Variants in SRGAP1 observed in about 807,000 individuals in gnomAD.
SRGAP1 encodes SLIT-ROBO Rho GTPase activating protein 1.
In SRGAP1, 43 loss-of-function variants were observed where a neutral mutation model predicts 121.9. The ratio of observed to expected loss-of-function variants is 0.35; its 90% CI spans 0.28 to 0.46. The LOEUF (loss-of-function observed/expected upper bound fraction) is 0.46, where lower values mean the gene tolerates loss of function less well. Among genes scored for constraint, SRGAP1 ranks in the 20% least tolerant of loss-of-function variants. The probability of loss-of-function intolerance (pLI) is 1.00; values close to 1 mark genes in which losing one functional copy is unlikely to be tolerated. For missense variants in SRGAP1, 1,102 were observed against 1,350.9 expected, an observed-to-expected ratio of 0.82 and a Z score of 2.89; for synonymous variants, 447 against 485.4, an observed-to-expected ratio of 0.92 and a Z score of 1.04.
rs757478244 is a variant in SRGAP1, at chr12:63,844,809, G to C, written c.-8G>C. The C allele has an allele frequency of 6.2e-7, 1 of 1,614,192 alleles. No individual in the cohort carries two copies. Among genetic ancestry groups the C allele is most frequent in the Non-Finnish European group, 8.5e-7 (1 of 1,180,018 alleles). ...GCCCATTGAAAGCAAACCCGGAACA[G>C]CTGGATAATGTCCACCCCGAGCCGA... On this transcript the variant is annotated 5_prime_UTR_variant, in exon 1 of 22. Coordinates refer to ENST00000355086, the MANE Select transcript of SRGAP1 (RefSeq NM_020762.4). This position sits in a 1 kb window ranked among gnomAD's most constrained non-coding sequence, Gnocchi z 4.3.
intron 1 of SRGAP1, among the ~76,000 whole-genome samples, chr12:63,881,075 A>G (rs1592910371): frequency 6.6e-6 from 1 of 152,344 alleles, no homozygotes; most frequent in Non-Finnish European, 1.5e-5. Context: ...CATGCACAGT[A>G]TATTTTGCGA....
chr12:63,900,210 T>TTTCTTTTTC (rs1459741763), intron 1 of SRGAP1, among the ~76,000 whole-genome samples: 9 of 132,736 alleles, frequency 6.8e-5, no homozygotes, highest in Non-Finnish European at 9.5e-5. Flanking sequence ...TTTTCTTTTT[T>TTTCTTTTTC]TTTTTTTTTT....
At chr12:64,034,613 G>T (rs2034857769) in intron 4 of SRGAP1, among the ~76,000 whole-genome samples, 3 of 152,062 alleles carry the variant, frequency 2.0e-5, no homozygotes, top group Admixed American at 2.0e-4. Context: ...CATTTACTGT[G>T]CACTTATATG....
At position 64,159,848 on chromosome 12, in the gene SRGAP1, G is replaced by A. The variant is rs1025061725; in HGVS notation, c.*17176G>A. 2.3e-4 allele frequency: 35 copies of A among 152,152 alleles called. No homozygotes were observed. The highest frequency in any genetic ancestry group is 7.2e-4 in the African/African-American group (30 of 41,432). 9.4% of individuals were successfully genotyped at this position (152,152 alleles called of 1,614,324 possible). Reference sequence around the variant, plus strand: ...CTACAACAGCAGGAAATAAACTACTGTTATATCAAGCTACTGACATTGAGA... The same window carrying A: ...CTACAACAGCAGGAAATAAACTACTATTATATCAAGCTACTGACATTGAGA... On this transcript the variant is annotated 3_prime_UTR_variant, in exon 22 of 22. Transcript: ENST00000355086.
intron 15 of SRGAP1, among the ~76,000 whole-genome samples, chr12:64,107,276 G>C (rs987721251): frequency 2.0e-5 from 3 of 152,184 alleles, no homozygotes; most frequent in African/African-American, 7.2e-5. Context: ...AGCTTAGCAA[G>C]AGTAATTAAG....
At position 64,161,108 on chromosome 12, in the gene SRGAP1, T is replaced by G. The variant is rs2037206562; in HGVS notation, c.*18436T>G. ...TGATTCTGGAAAGTCTTCTTTTCCC[T>G]GGAGCTTATAATTACTTTTATTTCA... On this transcript the variant is annotated 3_prime_UTR_variant, in exon 22 of 22. Transcript: ENST00000355086. 1 of 152,232 alleles carries G rather than the reference T, an allele frequency of 6.6e-6. No individual in the cohort carries two copies. The highest frequency in any genetic ancestry group is 2.4e-5 in the African/African-American group (1 of 41,462). 9.4% of individuals were successfully genotyped at this position (152,232 alleles called of 1,614,324 possible).
chr12:63,901,502 T>A (rs188592781), intron 1 of SRGAP1, among the ~76,000 whole-genome samples: 57 of 152,326 alleles, frequency 3.7e-4, no homozygotes, highest in African/African-American at 1.4e-3. Context: ...AAATGTTACT[T>A]TGTCCACACA....
chr12:64,033,698 A>G (rs888151712), intron 4 of SRGAP1, among the ~76,000 whole-genome samples: 2 of 151,896 alleles, frequency 1.3e-5, no homozygotes, highest in Admixed American at 1.3e-4. Context: ...AGCTTGGGTT[A>G]CAGAGCGAGA....
intron 1 of SRGAP1, among the ~76,000 whole-genome samples, chr12:63,878,056 A>T: frequency 6.6e-6 from 1 of 152,246 alleles, no homozygotes; most frequent in East Asian, 1.9e-4. Context: ...ACAAAGGAAA[A>T]ATATCAAGAA....
chr12:63,936,297 A>G (rs867034040), intron 1 of SRGAP1, among the ~76,000 whole-genome samples: 9 of 152,174 alleles, frequency 5.9e-5, no homozygotes, highest in Non-Finnish European at 1.3e-4. Flanking sequence ...TCAAATTTAT[A>G]GGTTATTACT....
intron 3 of SRGAP1, among the ~76,000 whole-genome samples, chr12:64,014,758 TTTG>T (rs56666934): frequency 0.43 from 64,545 of 151,468 alleles, 14,119 homozygotes; most frequent in Non-Finnish European, 0.48. Context: ...CATAAGGGAA[TTTG>T]TTGTTGTTGT....
At chr12:63,968,395 AAAT>A (rs2032844152) in intron 1 of SRGAP1, among the ~76,000 whole-genome samples, 1 of 152,208 alleles carries the variant, frequency 6.6e-6, no homozygotes, top group Admixed American at 6.5e-5. Flanking sequence ...CAGAAAACAA[AAAT>A]ACCAGATTTG....
chr12:64,099,469 C>T (rs911770109), intron 15 of SRGAP1, among the ~76,000 whole-genome samples: 1 of 152,094 alleles, frequency 6.6e-6, no homozygotes, highest in Non-Finnish European at 1.5e-5. Flanking sequence ...GTCAAGATTC[C>T]ACCACGAGTT....
chr12:64,010,756 C>T (rs1241779044), intron 3 of SRGAP1, among the ~76,000 whole-genome samples: 2 of 151,938 alleles, frequency 1.3e-5, no homozygotes, highest in East Asian at 3.9e-4. Context: ...AACCCTGTGA[C>T]AGAGATAATT....
chr12:63,934,492 C>T (rs1565956905), intron 1 of SRGAP1, among the ~76,000 whole-genome samples: 1 of 152,172 alleles, frequency 6.6e-6, no homozygotes, highest in African/African-American at 2.4e-5. Context: ...CCTCTGAACT[C>T]GTAGAACTCT....
chr12:63,888,476 C>T (rs572499340), intron 1 of SRGAP1: 6 of 152,194 alleles, frequency 3.9e-5, no homozygotes, highest in African/African-American at 1.4e-4. Context: ...ATTATAAACC[C>T]GAGATGCACC....
chr12:63,963,730 T>G (rs2032707989), intron 1 of SRGAP1, among the ~76,000 whole-genome samples: 1 of 152,186 alleles, frequency 6.6e-6, no homozygotes, highest in South Asian at 2.1e-4. Context: ...GACCACTATT[T>G]TCTTTACTTC....
rs543721980 is a variant in SRGAP1 at position 63,860,479 on chromosome 12, A to G, written c.67+15596A>G. On this transcript the variant is annotated intron_variant, in intron 1 of 21. Coordinates refer to ENST00000355086, the MANE Select transcript of SRGAP1 (RefSeq NM_020762.4). The stretch of plus-strand genomic sequence containing the variant: ...TAGATTGGAATTATCTGACTCTTAA[A>G]TGTTTAGTAGAACTCATCTGCAAAG... Among the ~76,000 whole-genome samples the G allele has an allele frequency of 1.6e-4, 24 of 152,166 alleles. No homozygotes were observed. In the South Asian group the frequency reaches 4.4e-3, roughly 28 times the overall value.
At chr12:63,967,543 A>G (rs1232831703) in intron 1 of SRGAP1, among the ~76,000 whole-genome samples, 1 of 152,218 alleles carries the variant, frequency 6.6e-6, no homozygotes, top group African/African-American at 2.4e-5. Flanking sequence ...TATTGCAGGC[A>G]AGGAAACTTT....
Sources: allele counts gnomAD v4.1 joint callset (sites outside exome capture counted in the v4.1 genomes callset), GRCh38; gene constraint gnomAD v4.1.1; non-coding constraint Gnocchi (gnomAD v3.1); transcripts MANE v1.5; gene names NCBI Gene and HGNC (gene_info 2026-07-23, HGNC 2026-07-21).